Variants in MICU3 observed in about 807,000 individuals in gnomAD.
MICU3 encodes the protein mitochondrial calcium uptake 3.
Under a neutral mutation model 66.5 loss-of-function variants are expected in MICU3, and 62 were observed. The observed-to-expected ratio is 0.93, with a 90% CI of 0.76 to 1.15. The LOEUF is 1.15. MICU3 is among the 50% of genes most tolerant of loss of function. The pLI is 0.00. For missense variants in MICU3, 779 were observed against 664.4 expected, an observed-to-expected ratio of 1.17 and a Z score of -1.90; for synonymous variants, 308 against 240.7, an observed-to-expected ratio of 1.28 and a Z score of -2.59.
chr8:17,090,550 T>G lies in MICU3; in HGVS notation c.854T>G (p.Leu285Arg). 1.2e-6 allele frequency: 2 copies of G among 1,611,546 alleles called. No individual in the cohort carries two copies. The highest frequency in any genetic ancestry group is 4.5e-5 in the East Asian group (2 of 44,750). ...GDEEKRAMLR[L>R]QLYGYHSPTN... is the part of the protein sequence containing the mutation. ...GCCCTTTGTGCTCTATGTCAGCGTC[T>G]TCAACTTTATGGATACCATTCTCCT... Residue 285 changes from leucine to arginine, a missense_variant, in exon 8 of 15, where the codon CTT becomes CGT. By Grantham distance (102) the Leu-to-Arg change is moderately radical (BLOSUM62 -2). Coordinates refer to ENST00000318063, the MANE Select transcript of MICU3 (RefSeq NM_181723.3).
In MICU3 at chr8:17,100,192, C is replaced by T. The variant is rs569963638; in HGVS notation, c.984+1639C>T. Reference sequence around the variant, plus strand: ...GAGTATGAATACCACAGAAACTGGCCAACATTACAAATCAGCCTTTTTTTT... The same window carrying T: ...GAGTATGAATACCACAGAAACTGGCTAACATTACAAATCAGCCTTTTTTTT... On this transcript the variant is annotated intron_variant, in intron 9 of 14. Transcript: ENST00000318063. 2.0e-5 allele frequency among the ~76,000 whole-genome samples: 3 copies of T among 151,334 alleles called. No homozygotes were observed. In the East Asian group the frequency reaches 5.8e-4, roughly 29 times the overall value.
At chr8:17,088,896 ACAT>A (rs1799754451) in intron 7 of MICU3, among the ~76,000 whole-genome samples, 2 of 151,966 alleles carry the variant, frequency 1.3e-5, no homozygotes, top group Non-Finnish European at 1.5e-5. Flanking sequence ...ATAGAGTAAA[ACAT>A]CATTAACTTA....
At chr8:17,100,454 A>G (rs1195515274) in intron 9 of MICU3, among the ~76,000 whole-genome samples, 1 of 151,788 alleles carries the variant, frequency 6.6e-6, no homozygotes, top group Non-Finnish European at 1.5e-5. Context: ...AATAATTGAG[A>G]ATTAACTACA....
chr8:17,075,121 G>GA (rs1368209204), intron 3 of MICU3, among the ~76,000 whole-genome samples: 2 of 152,160 alleles, frequency 1.3e-5, no homozygotes, highest in Non-Finnish European at 2.9e-5. Flanking sequence ...GCCAGATGAA[G>GA]AGAGAGGGCA....
At chr8:17,043,429 T>C (rs1445604449) in intron 1 of MICU3, among the ~76,000 whole-genome samples, 1 of 152,198 alleles carries the variant, frequency 6.6e-6, no homozygotes, top group Non-Finnish European at 1.5e-5. Context: ...TCCATATACA[T>C]ACATTGTCCC....
Position 17,120,657 on chromosome 8 carries a change from T to C in MICU3, c.*370T>C, listed in dbSNP as rs1454732176. ...TCCTCATTTCAAAATAATTTATGACTCATGGAATGTTGATCGCCTAAAAAT... is the reference window on the plus strand; with the variant it reads ...TCCTCATTTCAAAATAATTTATGACCCATGGAATGTTGATCGCCTAAAAAT... On this transcript the variant is annotated 3_prime_UTR_variant, in exon 15 of 15. Coordinates refer to ENST00000318063, the MANE Select transcript of MICU3 (RefSeq NM_181723.3). The C allele has an allele frequency of 6.6e-6, 1 of 152,502 alleles. No individual in the cohort carries two copies. The highest frequency in any genetic ancestry group is 1.9e-4 in the East Asian group (1 of 5,204). 9.4% of individuals were successfully genotyped at this position (152,502 alleles called of 1,614,324 possible).
At chr8:17,091,646 A>G (rs1489149843) in intron 8 of MICU3, among the ~76,000 whole-genome samples, 1 of 152,064 alleles carries the variant, frequency 6.6e-6, no homozygotes, top group Non-Finnish European at 1.5e-5. Flanking sequence ...GAAACAAGCC[A>G]AGTCCATAGG....
At position 17,114,126 on chromosome 8, in the gene MICU3, C is replaced by T; in HGVS notation, c.1291C>T (p.Gln431Ter). 6.2e-7 allele frequency: 1 copy of T among 1,610,716 alleles called. No homozygotes were observed. The highest frequency in any genetic ancestry group is 8.5e-7 in the Non-Finnish European group (1 of 1,178,436). Residue 431 changes from glutamine to a stop codon, truncating the protein, a stop_gained, in exon 12 of 15, where the codon CAG (glutamine) becomes TAG (stop). Coordinates refer to ENST00000318063, the MANE Select transcript of MICU3 (RefSeq NM_181723.3). LOFTEE classifies it high-confidence loss of function. ...ATTTGATGAATTCAGGTCATTTTTCCAGTTTTTAAACAACCTAGAAGACTT... is the reference window on the plus strand; with the variant it reads ...ATTTGATGAATTCAGGTCATTTTTCTAGTTTTTAAACAACCTAGAAGACTT... Reference protein sequence around the residue: ...ITFDEFRSFFQFLNNLEDFAI... With the variant: ...ITFDEFRSFF
At chr8:17,078,504 T>G (rs1296179774) in intron 4 of MICU3, among the ~76,000 whole-genome samples, 5 of 152,140 alleles carry the variant, frequency 3.3e-5, no homozygotes, top group African/African-American at 7.2e-5. Flanking sequence ...TAGAAAAAAT[T>G]TATTAATCTT....
At chr8:17,131,417 G>C in the MICU3 span, 9 of 150,010 alleles carry the variant, frequency 6.0e-5, no homozygotes, top group African/African-American at 2.2e-4. Flanking sequence ...CCACAGAAAA[G>C]TGGAGTCTTA....
intron 1 of MICU3, among the ~76,000 whole-genome samples, chr8:17,032,987 A>G (rs569225416): frequency 2.0e-5 from 3 of 152,288 alleles, no homozygotes; most frequent in Admixed American, 1.3e-4. Context: ...ACAGCAAAGA[A>G]TAAATGTTAT....
intron 4 of MICU3, 49 bp downstream of exon 4, chr8:17,077,910 C>T (rs1041215986): frequency 1.8e-6 from 2 of 1,132,488 alleles, no homozygotes; most frequent in Non-Finnish European, 1.3e-6. Context: ...ATTATGTATA[C>T]TATTTATATA....
At chr8:17,037,055 C>T (rs1690234161) in intron 1 of MICU3, among the ~76,000 whole-genome samples, 1 of 152,236 alleles carries the variant, frequency 6.6e-6, no homozygotes, top group Non-Finnish European at 1.5e-5. Context: ...CAGCCACTGG[C>T]CCGGGTGCTA....
At chr8:17,082,530 A>G (rs759264296) in intron 5 of MICU3, among the ~76,000 whole-genome samples, 3 of 152,060 alleles carry the variant, frequency 2.0e-5, no homozygotes, top group Non-Finnish European at 4.4e-5. Flanking sequence ...GTCTCCCCAC[A>G]CTTGAATGCA....
intron 7 of MICU3, among the ~76,000 whole-genome samples, chr8:17,090,148 T>C (rs1345457705): frequency 1.3e-5 from 2 of 152,030 alleles, no homozygotes; most frequent in African/African-American, 4.8e-5. Context: ...CAGAGCAGGA[T>C]TCCAGCACAG....
chr8:17,039,895 C>CTTTTTTTTTTTT lies in MICU3; in HGVS notation c.381+12253_381+12264dup, dbSNP rs35133600. 2.7e-4 allele frequency among the ~76,000 whole-genome samples: 17 copies of CTTTTTTTTTTTT among 62,546 alleles called. 1 individual carries two copies. Among genetic ancestry groups the CTTTTTTTTTTTT allele is most frequent in the South Asian group, 2.3e-3 (3 of 1,292 alleles). The allele number at this position is 62,546 out of a possible 152,430, so 41.0% of individuals were successfully genotyped here. On this transcript the variant is annotated intron_variant, in intron 1 of 14. Transcript: ENST00000318063. Reference sequence around the variant, plus strand: ...ATGAAGGTATCCATCATCTTGCATTCTTTTTTTTTTTTTTTTTTTTTTTTT... The same window carrying CTTTTTTTTTTTT: ...ATGAAGGTATCCATCATCTTGCATTCTTTTTTTTTTTTTTTTTTTTTTTTTTTTTTTTTTTTT...
At chr8:17,101,227 T>G (rs898561562) in intron 9 of MICU3, among the ~76,000 whole-genome samples, 6 of 151,776 alleles carry the variant, frequency 4.0e-5, no homozygotes, top group Admixed American at 1.3e-4. Flanking sequence ...CTTTGGTGGC[T>G]TTTTCTCCCT....
At chr8:17,052,300 A>C (rs1816231972) in intron 1 of MICU3, among the ~76,000 whole-genome samples, 1 of 152,176 alleles carries the variant, frequency 6.6e-6, no homozygotes, top group Non-Finnish European at 1.5e-5. Flanking sequence ...TAATGATCAA[A>C]TCAAGGTATT....
At chr8:17,031,270 TA>T (rs1563260078) in intron 1 of MICU3, among the ~76,000 whole-genome samples, 1,992 of 146,264 alleles carry the variant, frequency 0.014, 49 homozygotes, top group African/African-American at 0.048. Context: ...CATTTATTAT[TA>T]TTATTATTAT....
Sources: allele counts gnomAD v4.1 joint callset (sites outside exome capture counted in the v4.1 genomes callset), GRCh38; gene constraint gnomAD v4.1.1; transcripts MANE v1.5; gene names NCBI Gene and HGNC (gene_info 2026-07-23, HGNC 2026-07-21).